The following PCDHGA1 variants were observed in gnomAD, a reference collection of about 807,000 sequenced individuals.
PCDHGA1 encodes protocadherin gamma-A1.
In PCDHGA1, 32 loss-of-function variants were observed where a neutral mutation model predicts 58.0. The observed-to-expected ratio is 0.55, with a 90% CI of 0.42 to 0.74. The LOEUF is 0.74. PCDHGA1 is among the 30% of genes least tolerant of loss of function. The pLI is 0.00. For synonymous variants in PCDHGA1, 498 were observed against 501.1 expected, an observed-to-expected ratio of 0.99 and a Z score of 0.08; for missense variants, 1,205 against 1,182.3, an observed-to-expected ratio of 1.02 and a Z score of -0.28.
Position 141,451,147 on chromosome 5 carries a change from A to G in PCDHGA1, c.2422-43660A>G, listed in dbSNP as rs2098708727. ...CCAGCCTTATGATTGTATTTAGACT[A>G]GACATTTTTTTGGTAGTATATTATT... On this transcript the variant is annotated intron_variant, in intron 1 of 3. Coordinates refer to ENST00000517417, the MANE Select transcript of PCDHGA1 (RefSeq NM_018912.3). Among the ~76,000 whole-genome samples, 3 of 152,250 alleles carry G rather than the reference A, an allele frequency of 2.0e-5. No homozygotes were observed. In the South Asian group the frequency reaches 6.2e-4, roughly 32 times the overall value.
In PCDHGA1 at chr5:141,332,824, C is replaced by T; in HGVS notation, c.2140C>T (p.His714Tyr). ...FLAFVIVLLAHRLRRWHKSRL... is the reference protein window; with the variant it reads ...FLAFVIVLLAYRLRRWHKSRL... ...GGCCTTCGTCATCGTGCTGCTGGCG[C>T]ACAGGCTGCGGCGCTGGCACAAGTC... Residue 714 changes from histidine to tyrosine, a missense_variant, in exon 1 of 4, where the codon CAC becomes TAC. His to Tyr is a moderately conservative substitution (Grantham distance 83). Coordinates refer to ENST00000517417, the MANE Select transcript of PCDHGA1 (RefSeq NM_018912.3). This position sits in a 1 kb window ranked among gnomAD's most constrained non-coding sequence, Gnocchi z 4.6. 1.2e-6 allele frequency: 2 copies of T among 1,614,220 alleles called. No homozygotes were observed. Among genetic ancestry groups the T allele is most frequent in the South Asian group, 2.2e-5 (2 of 91,090 alleles).
intron 1 of PCDHGA1, among the ~76,000 whole-genome samples, chr5:141,420,762 T>A (rs1221355822): frequency 6.6e-6 from 1 of 152,222 alleles, no homozygotes; most frequent in Non-Finnish European, 1.5e-5. Context: ...AACCTACAAG[T>A]TTTCAGCTCC....
rs2099746025 is a variant in PCDHGA1 at position 141,493,066 on chromosome 5, T to C, written c.2422-1741T>C. On this transcript the variant is annotated intron_variant, in intron 1 of 3. Coordinates refer to ENST00000517417, the MANE Select transcript of PCDHGA1 (RefSeq NM_018912.3). This position sits in a 1 kb window ranked among gnomAD's most constrained non-coding sequence, Gnocchi z 4.3. ...AACTACAATAGTAAAAAACACAAGT[T>C]TCTCCAACTCCAGGAGCTTTTATTC... Among the ~76,000 whole-genome samples the C allele has an allele frequency of 6.6e-6, 1 of 152,202 alleles. No homozygotes were observed. Among genetic ancestry groups the C allele is most frequent in the East Asian group, 1.9e-4 (1 of 5,194 alleles).
intron 1 of PCDHGA1, chr5:141,393,906 G>C: frequency 1.2e-6 from 2 of 1,613,998 alleles, no homozygotes; most frequent in Non-Finnish European, 1.7e-6. Context: ...TCCCGGGACA[G>C]TAATTGCCTT....
chr5:141,350,826 C>T (rs781126362), intron 1 of PCDHGA1: 25 of 1,613,976 alleles, frequency 1.5e-5, no homozygotes, highest in Middle Eastern at 3.3e-4. Context: ...AGTAAATATC[C>T]GGTATTACTG....
chr5:141,456,301 C>CA (rs761557752), intron 1 of PCDHGA1, among the ~76,000 whole-genome samples: 14 of 152,154 alleles, frequency 9.2e-5, no homozygotes, highest in Non-Finnish European at 1.6e-4. Flanking sequence ...TAATGGAGAA[C>CA]AGCAGCTAGG....
chr5:141,375,630 C>T (rs1162494057), intron 1 of PCDHGA1: 2 of 1,614,246 alleles, frequency 1.2e-6, no homozygotes, highest in Non-Finnish European at 1.7e-6. Flanking sequence ...ATTCTGTACG[C>T]CCTGCGCTCC....
At chr5:141,450,817 A>T (rs1302552522) in intron 1 of PCDHGA1, among the ~76,000 whole-genome samples, 1 of 137,468 alleles carries the variant, frequency 7.3e-6, no homozygotes, top group Non-Finnish European at 1.5e-5. Context: ...TTTATTTAAT[A>T]TTATTATTAT....
Position 141,477,952 on chromosome 5 carries a change from A to C in PCDHGA1, c.2422-16855A>C, listed in dbSNP as rs907708638. The C allele has an allele frequency of 1.2e-6, 2 of 1,614,038 alleles. No individual in the cohort carries two copies. Among genetic ancestry groups the C allele is most frequent in the Non-Finnish European group, 1.7e-6 (2 of 1,180,002 alleles). Reference sequence around the variant, plus strand: ...CCTGGCTCTCCTACAGTCTCTTGGGATCCCCTAACCAGAGCCTTTTTGCCA... The same window carrying C: ...CCTGGCTCTCCTACAGTCTCTTGGGCTCCCCTAACCAGAGCCTTTTTGCCA... On this transcript the variant is annotated intron_variant, in intron 1 of 3. Coordinates refer to ENST00000517417, the MANE Select transcript of PCDHGA1 (RefSeq NM_018912.3). This position sits in a 1 kb window ranked among gnomAD's most constrained non-coding sequence, Gnocchi z 4.9.
At chr5:141,390,373 ATT>A in intron 1 of PCDHGA1, 3 of 1,481,208 alleles carry the variant, frequency 2.0e-6, no homozygotes, top group Non-Finnish European at 2.8e-6. Flanking sequence ...AAAATATATA[ATT>A]TTTAGATGTC....
intron 1 of PCDHGA1, chr5:141,366,543 C>T (rs1287231126): frequency 6.8e-6 from 11 of 1,614,124 alleles, no homozygotes; most frequent in Non-Finnish European, 8.5e-6. Context: ...GTGCCCGCCT[C>T]GCACTTTGTG....
chr5:141,420,246 T>C (rs1216078492), intron 1 of PCDHGA1: 3 of 1,583,234 alleles, frequency 1.9e-6, no homozygotes, highest in African/African-American at 2.7e-5. Context: ...ACTCCCAGCG[T>C]TGAAGCAGAT....
intron 1 of PCDHGA1, chr5:141,418,921 T>A (rs897705216): frequency 1.9e-6 from 3 of 1,613,928 alleles, no homozygotes; most frequent in Admixed American, 3.3e-5. Context: ...CACTCTCTGA[T>A]CAGATTATGG....
At chr5:141,428,146 C>T (rs549173211) in intron 1 of PCDHGA1, 15 of 1,589,346 alleles carry the variant, frequency 9.4e-6, no homozygotes, top group East Asian at 2.2e-5. Context: ...GGGCTGCACA[C>T]GGGAACCTGC....
intron 1 of PCDHGA1, chr5:141,395,894 C>T (rs768471284): frequency 6.6e-6 from 1 of 152,020 alleles, no homozygotes; most frequent in Non-Finnish European, 1.5e-5. Flanking sequence ...CACCTGGGCT[C>T]CATGCCCATG....
rs370284141 is a variant in PCDHGA1, at chr5:141,421,654, G to A, written c.2422-73153G>A. On this transcript the variant is annotated intron_variant, in intron 1 of 3. Coordinates refer to ENST00000517417, the MANE Select transcript of PCDHGA1 (RefSeq NM_018912.3). ...CCAGGAGGACGAAGTGGAGATAAAA[G>A]TCAGTGAGCACGCAATTCCTGGGGC... The A allele has an allele frequency of 3.5e-5, 57 of 1,613,746 alleles. No individual in the cohort carries two copies. Among genetic ancestry groups the A allele is most frequent in the Admixed American group, 5.0e-5 (3 of 59,974 alleles).
chr5:141,479,324 C>G (rs2099492748), intron 1 of PCDHGA1: 1 of 152,556 alleles, frequency 6.6e-6, no homozygotes, highest in Admixed American at 6.5e-5. Context: ...TAGCCAGACT[C>G]AGTGGTGTGC....
intron 1 of PCDHGA1, chr5:141,421,719 C>T (rs2096595246): frequency 6.2e-7 from 1 of 1,613,942 alleles, no homozygotes; most frequent in Non-Finnish European, 8.5e-7. Flanking sequence ...CAGATGTGGG[C>T]GTGAACTCCC....
intron 1 of PCDHGA1, chr5:141,388,093 C>T: frequency 7.3e-7 from 1 of 1,371,560 alleles, no homozygotes; most frequent in South Asian, 1.3e-5. Context: ...CGCGTCAGTT[C>T]GGAGAAGCCT....
Sources: allele counts gnomAD v4.1 joint callset (sites outside exome capture counted in the v4.1 genomes callset), GRCh38; gene constraint gnomAD v4.1.1; non-coding constraint Gnocchi (gnomAD v3.1); transcripts MANE v1.5; gene names NCBI Gene and HGNC (gene_info 2026-07-23, HGNC 2026-07-21).